The following CTIF variants were observed in gnomAD, a reference collection of about 807,000 sequenced individuals.
CTIF encodes the protein cap binding complex dependent translation initiation factor, also known as CBP80/20-dependent translation initiation factor.
CTIF carries 21 observed loss-of-function variants against 66.0 expected under a neutral mutation model. That is an observed-to-expected ratio of 0.32 (90% CI 0.23 to 0.46). CTIF has a LOEUF of 0.46. CTIF is among the 20% of genes least tolerant of loss of function. CTIF has a pLI of 1.00. For missense variants in CTIF, 739 were observed against 812.7 expected (o/e 0.91, Z 1.10); for synonymous variants, 345 against 326.4 (o/e 1.06, Z -0.62).
In CTIF at chr18:48,711,604, C is replaced by T; in HGVS notation, c.508-15C>T. 1 of 1,609,598 alleles carries T rather than the reference C, an allele frequency of 6.2e-7. No homozygotes were observed. Among genetic ancestry groups the T allele is most frequent in the Non-Finnish European group, 8.5e-7 (1 of 1,176,232 alleles). On this transcript the variant is annotated splice_polypyrimidine_tract_variant and intron_variant, in intron 6 of 11. Transcript: ENST00000256413. Reference sequence around the variant, plus strand: ...GGAGTTACTAATGATCCCCCTTCCTCCCCCCATGACACAGGGCTACCACCC... The same window carrying T: ...GGAGTTACTAATGATCCCCCTTCCTTCCCCCATGACACAGGGCTACCACCC...
At chr18:48,762,726 G>C (rs1263521633) in intron 9 of CTIF, among the ~76,000 whole-genome samples, 1 of 152,206 alleles carries the variant, frequency 6.6e-6, no homozygotes, top group Non-Finnish European at 1.5e-5. Flanking sequence ...AAGTCAAAGG[G>C]GGTTCAGTTC....
At chr18:48,847,360 C>G (rs1278856411) in intron 10 of CTIF, among the ~76,000 whole-genome samples, 1 of 151,208 alleles carries the variant, frequency 6.6e-6, no homozygotes, top group Non-Finnish European at 1.5e-5. Context: ...TAAGAATTAG[C>G]TAATGTGGGA....
chr18:48,737,567 C>A (rs1039117393), intron 7 of CTIF, among the ~76,000 whole-genome samples: 6 of 151,774 alleles, frequency 4.0e-5, no homozygotes, highest in Non-Finnish European at 8.8e-5. Context: ...AAAGGTCATT[C>A]CTAAAAATCA....
At chr18:48,727,537 G>C (rs999189420) in intron 7 of CTIF, among the ~76,000 whole-genome samples, 3 of 152,198 alleles carry the variant, frequency 2.0e-5, no homozygotes, top group African/African-American at 7.2e-5. Flanking sequence ...TGTTTCCACT[G>C]AAATAATCCT....
chr18:48,725,808 G>T, intron 7 of CTIF, among the ~76,000 whole-genome samples: 1 of 152,084 alleles, frequency 6.6e-6, no homozygotes, highest in Non-Finnish European at 1.5e-5. Context: ...TTATTTCAAG[G>T]CAGATTTTTT....
intron 5 of CTIF, among the ~76,000 whole-genome samples, chr18:48,664,984 G>A (rs1276141953): frequency 3.4e-5 from 5 of 146,578 alleles, no homozygotes; most frequent in African/African-American, 1.0e-4. Context: ...GCGCAATCTC[G>A]GCTCACTGCA....
intron 1 of CTIF, among the ~76,000 whole-genome samples, chr18:48,544,544 C>A (rs914166246): frequency 1.3e-5 from 2 of 152,190 alleles, no homozygotes; most frequent in African/African-American, 4.8e-5. Flanking sequence ...CAGAGCCAGA[C>A]CCAAATGCTC....
chr18:48,723,285 G>T (rs937251664), intron 7 of CTIF, among the ~76,000 whole-genome samples: 1 of 152,118 alleles, frequency 6.6e-6, no homozygotes, highest in African/African-American at 2.4e-5. Flanking sequence ...TTGGGGTGAG[G>T]GGGCTGTCAT....
intron 7 of CTIF, among the ~76,000 whole-genome samples, chr18:48,728,739 T>TGAGA (rs138125305): frequency 0.014 from 2,002 of 139,128 alleles, 45 homozygotes; most frequent in African/African-American, 0.048. Flanking sequence ...AGGGGGAGAG[T>TGAGA]GAGAGAGAGA....
intron 6 of CTIF, among the ~76,000 whole-genome samples, chr18:48,699,973 G>C (rs1047748012): frequency 1.3e-5 from 2 of 152,204 alleles, no homozygotes; most frequent in Non-Finnish European, 1.5e-5. Context: ...ACACTGGCTC[G>C]GCAGATACTG....
Position 48,758,910 on chromosome 18 carries a change from C to G in CTIF, c.1071+505C>G, listed in dbSNP as rs898211005. On this transcript the variant is annotated intron_variant, in intron 8 of 11. Coordinates refer to ENST00000256413, the MANE Select transcript of CTIF (RefSeq NM_014772.3). ...TGGGGGCAGGCTGATTCCAGCCTTC[C>G]TGTTTCCCGCCTTCATCACCCAGAG... is the stretch of plus-strand genomic sequence containing the variant. Among the ~76,000 whole-genome samples the G allele has an allele frequency of 3.9e-5, 6 of 152,310 alleles. No homozygotes were observed. In the East Asian group the frequency reaches 1.2e-3, roughly 29 times the overall value.
chr18:48,669,813 A>G (rs1422725419), intron 5 of CTIF, among the ~76,000 whole-genome samples: 20 of 110,408 alleles, frequency 1.8e-4, no homozygotes, highest in African/African-American at 7.0e-4. Context: ...ATATATATAT[A>G]TATATATATA....
rs543261324 is a variant in CTIF at position 48,823,651 on chromosome 18, T to C, written c.1527+6275T>C. Among the ~76,000 whole-genome samples, 18 of 152,364 alleles carry C rather than the reference T, an allele frequency of 1.2e-4. No homozygotes were observed. The East Asian group carries it at 3.5e-3, about 29-fold the overall frequency. ...AAGATTGCTTTGGCTATTTGGGCTC[T>C]TTTATATTTCCAAGTGAATCTTAGA... is the stretch of plus-strand genomic sequence containing the variant. On this transcript the variant is annotated intron_variant, in intron 10 of 11. Coordinates refer to ENST00000256413, the MANE Select transcript of CTIF (RefSeq NM_014772.3).
chr18:48,656,840 G>A (rs1244485939), intron 3 of CTIF, among the ~76,000 whole-genome samples: 1 of 152,184 alleles, frequency 6.6e-6, no homozygotes, highest in African/African-American at 2.4e-5. Flanking sequence ...GGGCTGGAGA[G>A]GATGCTGTGC....
chr18:48,804,827 C>G (rs2068111712), intron 9 of CTIF, among the ~76,000 whole-genome samples: 1 of 152,160 alleles, frequency 6.6e-6, no homozygotes, highest in Non-Finnish European at 1.5e-5. Flanking sequence ...GCTAGAAGCA[C>G]TGCCCACCCA....
At chr18:48,807,903 G>A (rs2068183335) in intron 9 of CTIF, among the ~76,000 whole-genome samples, 1 of 152,094 alleles carries the variant, frequency 6.6e-6, no homozygotes, top group African/African-American at 2.4e-5. Flanking sequence ...ATTTTTAATG[G>A]ATGCATGAAT....
At chr18:48,635,910 CA>C (rs2090813182) in intron 2 of CTIF, among the ~76,000 whole-genome samples, 1 of 152,314 alleles carries the variant, frequency 6.6e-6, no homozygotes, top group African/African-American at 2.4e-5. Flanking sequence ...CTGTGGCTCC[CA>C]GACTCCCAAT....
intron 10 of CTIF, among the ~76,000 whole-genome samples, chr18:48,839,886 C>T (rs576416498): frequency 1.3e-5 from 2 of 152,276 alleles, no homozygotes; most frequent in South Asian, 2.1e-4. Flanking sequence ...AATGGCCTCA[C>T]CCCAGCCAGC....
chr18:48,819,029 A>G (rs2068427944), intron 10 of CTIF, among the ~76,000 whole-genome samples: 1 of 152,140 alleles, frequency 6.6e-6, no homozygotes, highest in Admixed American at 6.5e-5. Context: ...AGTGTTTTTG[A>G]AGCATCCGTT....
Sources: gnomAD v4.1 joint callset for allele counts (sites outside exome capture counted in the v4.1 genomes callset) on GRCh38, gnomAD v4.1.1 for gene constraint, MANE v1.5 for transcripts, NCBI Gene and HGNC (gene_info 2026-07-23, HGNC 2026-07-21) for gene names.